Variants in SLC43A2 observed in about 807,000 individuals in gnomAD.
SLC43A2 encodes the protein solute carrier family 43 member 2.
In SLC43A2, 38 loss-of-function variants were observed where a neutral mutation model predicts 63.2. The observed-to-expected ratio is 0.60, with a 90% CI of 0.46 to 0.79. The LOEUF (loss-of-function observed/expected upper bound fraction) is 0.79. Among genes scored for constraint, SLC43A2 ranks in the 30% least tolerant of loss-of-function variants. The pLI, the probability that SLC43A2 is intolerant of heterozygous loss-of-function variation, is 0.00. For synonymous variants in SLC43A2, 322 were observed against 331.0 expected (o/e 0.97, Z 0.30); for missense variants, 644 against 756.2 (o/e 0.85, Z 1.74).
Position 1,578,547 on chromosome 17 carries a change from A to G in SLC43A2, c.1351-224T>C. On this transcript the variant is annotated intron_variant, in intron 11 of 13. Transcript: ENST00000301335. This position sits in a 1 kb window ranked among gnomAD's most constrained non-coding sequence, Gnocchi z 6.5. The stretch of plus-strand genomic sequence containing the variant: ...TTTGTTTTGTTTTTTGTTTTGTTTG[A>G]GAAGAAGTCTTGCTTTGTCGCCCAG... 1.8e-6 allele frequency: 1 copy of G among 542,998 alleles called. No homozygotes were observed. The highest frequency in any genetic ancestry group is 2.5e-5 in the South Asian group (1 of 40,742). The allele number at this position is 542,998 out of a possible 1,614,324, so 33.6% of individuals were successfully genotyped here. A position where few individuals can be genotyped will look rare whatever the true frequency, so the allele number is the denominator to read the frequency against.
chr17:1,588,169 C>G (rs1427319910), intron 9 of SLC43A2, among the ~76,000 whole-genome samples: 2 of 151,280 alleles, frequency 1.3e-5, no homozygotes, highest in African/African-American at 4.9e-5. Flanking sequence ...GAGGCTGAGG[C>G]ACGTGGATCA....
Position 1,591,389 on chromosome 17 carries a change from G to A in SLC43A2, c.811C>T (p.Arg271Trp), listed in dbSNP as rs1285260057. ...QFYKQVTTVG[R>W]RLSVGSSMRS... ...ATGGAGCTGCCCACACTCAGGCGCC[G>A]GCCCACCGTGGTCACCTGCTTGTAG... The change falls in exon 8 of 14, where the codon CGG (arginine) becomes TGG (tryptophan). Residue 271 changes from arginine to tryptophan, a missense_variant. Physicochemically the swap from Arg to Trp is moderately radical, Grantham distance 101. This residue lies in a region of SLC43A2 where 528 missense variants were observed against 623.6 expected (regional missense o/e 0.85). Coordinates refer to ENST00000301335, the MANE Select transcript of SLC43A2 (RefSeq NM_152346.3). The A allele has an allele frequency of 2.5e-6, 4 of 1,612,642 alleles. No homozygotes were observed. The highest frequency in any genetic ancestry group is 1.7e-5 in the Admixed American group (1 of 60,022).
chr17:1,619,241 G>A (rs1262678768), intron 2 of SLC43A2, among the ~76,000 whole-genome samples: 1 of 148,760 alleles, frequency 6.7e-6, no homozygotes, highest in Non-Finnish European at 1.5e-5. Context: ...GGCGGAGGTT[G>A]TGGTAAGCTG....
In SLC43A2 at chr17:1,616,780, A is replaced by T. The variant is rs762598875; in HGVS notation, c.161-11T>A. The T allele has an allele frequency of 4.3e-6, 7 of 1,613,180 alleles. No homozygotes were observed. In the South Asian group the frequency reaches 7.7e-5, roughly 18 times the overall value. ...CATTGGTGACATTCTCTGTGTGAAG[A>T]GGGAAGGAAACCCTGACCTCAGGGT... On this transcript the variant is annotated splice_polypyrimidine_tract_variant and intron_variant, in intron 2 of 13. Transcript: ENST00000301335.
At chr17:1,611,592 G>C (rs374513677) in intron 5 of SLC43A2, among the ~76,000 whole-genome samples, 1 of 149,700 alleles carries the variant, frequency 6.7e-6, no homozygotes, top group Non-Finnish European at 1.5e-5. Context: ...CCAAGATTGC[G>C]TCACTGCACT....
chr17:1,620,567 G>C, intron 2 of SLC43A2, among the ~76,000 whole-genome samples: 1 of 152,202 alleles, frequency 6.6e-6, no homozygotes, highest in African/African-American at 2.4e-5. Context: ...AATCCCTGCC[G>C]ATGGGGCCAC....
At chr17:1,624,696 G>GC (rs1908497328) in intron 2 of SLC43A2, among the ~76,000 whole-genome samples, 2 of 151,922 alleles carry the variant, frequency 1.3e-5, no homozygotes, top group African/African-American at 4.8e-5. Flanking sequence ...TTTGAGACCA[G>GC]CCTAGGCAAC....
chr17:1,612,841 G>A (rs1286580962), intron 5 of SLC43A2, among the ~76,000 whole-genome samples: 3 of 152,270 alleles, frequency 2.0e-5, no homozygotes, highest in Admixed American at 1.3e-4. Context: ...GTGTGGTGGC[G>A]CACGCCCATA....
intron 5 of SLC43A2, among the ~76,000 whole-genome samples, chr17:1,602,222 G>T (rs1418546652): frequency 6.6e-6 from 1 of 152,108 alleles, no homozygotes; most frequent in Non-Finnish European, 1.5e-5. Flanking sequence ...GCCCAGGCTG[G>T]TCTTGAACTC....
chr17:1,594,875 A>G lies in SLC43A2; in HGVS notation c.502-1596T>C, dbSNP rs1298395063. Among the ~76,000 whole-genome samples, 10 of 151,798 alleles carry G rather than the reference A, an allele frequency of 6.6e-5. 1 individual carries two copies. Among genetic ancestry groups the G allele is most frequent in the Admixed American group, 5.2e-4 (8 of 15,246 alleles). ...AGTGCTGGGATTACAGGCGTGAGCC[A>G]CCGCGCCCAACCTTTTTTTCTTGTT... On this transcript the variant is annotated intron_variant, in intron 5 of 13. Coordinates refer to ENST00000301335, the MANE Select transcript of SLC43A2 (RefSeq NM_152346.3).
rs80103538 is a variant in SLC43A2, at chr17:1,583,462, G to A, written c.1218-126C>T. ...CAAGACTCAGAAGCCACCCAGGCACGTTTTAGGGACTGTGTCGGGGCTGGA... is the reference window on the plus strand; with the variant it reads ...CAAGACTCAGAAGCCACCCAGGCACATTTTAGGGACTGTGTCGGGGCTGGA... On this transcript the variant is annotated intron_variant, in intron 10 of 13. Coordinates refer to ENST00000301335, the MANE Select transcript of SLC43A2 (RefSeq NM_152346.3). This position sits in a 1 kb window ranked among gnomAD's most constrained non-coding sequence, Gnocchi z 5.5. The A allele has an allele frequency of 0.014, 21,317 of 1,495,114 alleles. 1,169 individuals are homozygous for A. In the African/African-American group the frequency reaches 0.16, roughly 11 times the overall value. 92.6% of individuals were successfully genotyped at this position (1,495,114 alleles called of 1,614,324 possible).
chr17:1,586,503 T>G (rs899552924), intron 9 of SLC43A2, among the ~76,000 whole-genome samples: 9 of 152,056 alleles, frequency 5.9e-5, no homozygotes, highest in Non-Finnish European at 1.0e-4. Flanking sequence ...GAGACCAGAC[T>G]GACCAACACA....
intron 2 of SLC43A2, among the ~76,000 whole-genome samples, chr17:1,625,924 G>A (rs1424749576): frequency 6.6e-6 from 1 of 151,844 alleles, no homozygotes; most frequent in Non-Finnish European, 1.5e-5. Flanking sequence ...AGAGGAGGAA[G>A]CTGAGGTTGA....
At position 1,605,908 on chromosome 17, in the gene SLC43A2, C is replaced by T. The variant is rs187865740; in HGVS notation, c.501+7287G>A. On this transcript the variant is annotated intron_variant, in intron 5 of 13. Transcript: ENST00000301335. The surrounding 1 kb of genome is among the most constrained non-coding windows in gnomAD (Gnocchi z 4.9). ...CCCCCGGCCACCTCCTGTGCCTTCC[C>T]GGCCGGGTCCAGTCCTGCCAATACC... 3.3e-4 allele frequency among the ~76,000 whole-genome samples: 50 copies of T among 152,288 alleles called. No homozygotes were observed. The highest frequency in any genetic ancestry group is 1.0e-3 in the African/African-American group (42 of 41,562).
At chr17:1,581,832 G>GT (rs530207272) in intron 11 of SLC43A2, among the ~76,000 whole-genome samples, 1,557 of 148,088 alleles carry the variant, frequency 0.011, 10 homozygotes, top group Non-Finnish European at 0.017. Context: ...TTGAGACACA[G>GT]CCTCACTCTG....
At position 1,583,186 on chromosome 17, in the gene SLC43A2, C is replaced by T. The variant is rs1375377998; in HGVS notation, c.1350+18G>A. On this transcript the variant is annotated intron_variant, in intron 11 of 13. Transcript: ENST00000301335. This position sits in a 1 kb window ranked among gnomAD's most constrained non-coding sequence, Gnocchi z 5.5. ...ACTGCCCCACCTCCCACCTGCCCCT[C>T]CCACTCCCCACACCCACCTGGAGAG... 2 of 1,611,412 alleles carry T rather than the reference C, an allele frequency of 1.2e-6. No individual in the cohort carries two copies. The highest frequency in any genetic ancestry group is 2.2e-5 in the South Asian group (2 of 91,054).
At chr17:1,592,362 G>A (rs889719133) in intron 6 of SLC43A2, among the ~76,000 whole-genome samples, 10 of 152,214 alleles carry the variant, frequency 6.6e-5, no homozygotes, top group African/African-American at 2.4e-4. Flanking sequence ...GGGAGGTGGA[G>A]GTTGCAGTGA....
intron 5 of SLC43A2, among the ~76,000 whole-genome samples, chr17:1,599,208 C>T (rs917218454): frequency 2.6e-5 from 4 of 151,780 alleles, no homozygotes; most frequent in Non-Finnish European, 2.9e-5. Flanking sequence ...GGTGTGGCGG[C>T]GTGCACCTGT....
At chr17:1,617,551 C>A (rs973800591) in intron 2 of SLC43A2, among the ~76,000 whole-genome samples, 1 of 152,094 alleles carries the variant, frequency 6.6e-6, no homozygotes, top group Non-Finnish European at 1.5e-5. Context: ...CCACCGCGCC[C>A]GGCTAGTGTT....
Sources: gnomAD v4.1 joint callset for allele counts (sites outside exome capture counted in the v4.1 genomes callset) on GRCh38, gnomAD v4.1.1 for gene constraint, gnomAD v4.1.1 regional missense constraint, Gnocchi (gnomAD v3.1) non-coding constraint, MANE v1.5 for transcripts, NCBI Gene and HGNC (gene_info 2026-07-23, HGNC 2026-07-21) for gene names.